Variants in PDE6A observed in about 807,000 individuals in gnomAD.
PDE6A encodes rod cGMP-specific 3',5'-cyclic phosphodiesterase subunit alpha.
In PDE6A, 84 loss-of-function variants were observed where a neutral mutation model predicts 106.3. The observed-to-expected ratio is 0.79, with a 90% CI of 0.66 to 0.95. The LOEUF (loss-of-function observed/expected upper bound fraction) is 0.95, where lower values mean the gene tolerates loss of function less well. Among genes scored for constraint, PDE6A ranks in the 40% least tolerant of loss-of-function variants. PDE6A has a pLI of 0.00. For missense variants in PDE6A, 1,052 were observed against 1,084.9 expected, an observed-to-expected ratio of 0.97 and a Z score of 0.43; for synonymous variants, 394 against 386.6, an observed-to-expected ratio of 1.02 and a Z score of -0.23.
intron 7 of PDE6A, among the ~76,000 whole-genome samples, chr5:149,906,602 C>T (rs748304161): frequency 9.3e-5 from 14 of 149,940 alleles, no homozygotes; most frequent in South Asian, 6.3e-4. Context: ...CCTCTTGAGC[C>T]TCATGTTTTG....
intron 12 of PDE6A, 47 bp from the exon 13 acceptor site, chr5:149,895,337 C>A: frequency 7.6e-7 from 1 of 1,313,550 alleles, no homozygotes. Flanking sequence ...CTGAAATGGT[C>A]TCATGAGGGT....
rs187362063 is a variant in PDE6A, at chr5:149,943,389, C to T, written c.474+811G>A. Among the ~76,000 whole-genome samples the T allele has an allele frequency of 6.6e-5, 10 of 152,292 alleles. No homozygotes were observed. The East Asian group carries it at 1.3e-3, about 21-fold the overall frequency. ...CAGAATAATTTTTCTTAGTACAGAA[C>T]AAAATGGAGTTTCTTATGTCTTTTT... On this transcript the variant is annotated intron_variant, in intron 1 of 21. Transcript: ENST00000255266.
At chr5:149,902,754 G>A (rs916873533) in intron 8 of PDE6A, among the ~76,000 whole-genome samples, 56 of 151,684 alleles carry the variant, frequency 3.7e-4, no homozygotes, top group Middle Eastern at 3.4e-3. Context: ...CCTGGGAGGC[G>A]GAGCTTGCAG....
At chr5:149,916,438 C>G (rs538760001) in intron 5 of PDE6A, among the ~76,000 whole-genome samples, 26 of 152,288 alleles carry the variant, frequency 1.7e-4, no homozygotes, top group Admixed American at 1.3e-3. Flanking sequence ...CCCCATTTCT[C>G]CTTCATGCCT....
In PDE6A at chr5:149,944,666, T is replaced by G; in HGVS notation, c.8A>C (p.Glu3Ala). The G allele has an allele frequency of 6.2e-7, 1 of 1,606,706 alleles. No individual in the cohort carries two copies. Among genetic ancestry groups the G allele is most frequent in the Non-Finnish European group, 8.5e-7 (1 of 1,176,938 alleles). Residue 3 changes from glutamate (E) to alanine (A), a missense_variant, in exon 1 of 22, where the codon GAG becomes GCG. Around this residue, in one of 3 missense-constraint regions of PDE6A, gnomAD observed 913 missense variants for 915.2 expected, o/e 1.00. Transcript: ENST00000255266. MGEVTAEEVEKFL... is the reference protein window; with the variant it reads MGAVTAEEVEKFL... Reference sequence around the variant, plus strand: ...CTTCTCCACCTCCTCTGCTGTCACCTCGCCCATGGCTGGGAATCCCACTGG... The same window carrying G: ...CTTCTCCACCTCCTCTGCTGTCACCGCGCCCATGGCTGGGAATCCCACTGG...
At chr5:149,893,161 C>G (rs1190428863) in intron 13 of PDE6A, among the ~76,000 whole-genome samples, 1 of 152,146 alleles carries the variant, frequency 6.6e-6, no homozygotes, top group Admixed American at 6.5e-5. Flanking sequence ...GATCTAGAAC[C>G]CAAAGATTAG....
chr5:149,924,077 T>C (rs2113645290), intron 4 of PDE6A, among the ~76,000 whole-genome samples: 1 of 152,308 alleles, frequency 6.6e-6, no homozygotes, highest in Admixed American at 6.5e-5. Flanking sequence ...ATTTTAATTC[T>C]AGGCAAAAAT....
intron 5 of PDE6A, among the ~76,000 whole-genome samples, chr5:149,916,916 G>T (rs1433304698): frequency 6.6e-6 from 1 of 152,096 alleles, no homozygotes; most frequent in African/African-American, 2.4e-5. Flanking sequence ...GTAATCCCTG[G>T]GCCGGTGCCT....
At chr5:149,868,952 A>C (rs1200890783) in intron 17 of PDE6A, among the ~76,000 whole-genome samples, 1 of 152,218 alleles carries the variant, frequency 6.6e-6, no homozygotes, top group Non-Finnish European at 1.5e-5. Flanking sequence ...TCACCCAAAA[A>C]ATTTAAAAGG....
intron 5 of PDE6A, among the ~76,000 whole-genome samples, chr5:149,919,938 C>T (rs1368637278): frequency 1.3e-5 from 2 of 151,028 alleles, no homozygotes; most frequent in Non-Finnish European, 3.0e-5. Flanking sequence ...GATTCGGGAA[C>T]ATTAATTGGT....
chr5:149,876,959 T>C (rs1760765840), intron 17 of PDE6A, among the ~76,000 whole-genome samples: 1 of 151,834 alleles, frequency 6.6e-6, no homozygotes, highest in African/African-American at 2.4e-5. Flanking sequence ...GATAGATAGA[T>C]AGATAGATAA....
At chr5:149,933,854 G>C in intron 3 of PDE6A, 76 bp downstream of exon 3, 2 of 1,054,414 alleles carry the variant, frequency 1.9e-6, no homozygotes, top group Non-Finnish European at 2.9e-6. Context: ...ATTCCCATCT[G>C]CCTGCCAGTC....
intron 16 of PDE6A, among the ~76,000 whole-genome samples, chr5:149,883,832 A>G (rs1007531351): frequency 2.0e-5 from 3 of 152,218 alleles, no homozygotes; most frequent in Non-Finnish European, 4.4e-5. Context: ...TCCATAACAC[A>G]CGTGTTGTGC....
chr5:149,924,474 A>G (rs1342938934), intron 4 of PDE6A, among the ~76,000 whole-genome samples: 1 of 150,674 alleles, frequency 6.6e-6, no homozygotes, highest in Non-Finnish European at 1.5e-5. Context: ...TTTAGTTATA[A>G]GAATATTTAG....
At chr5:149,909,223 C>A (rs1360521218) in intron 6 of PDE6A, among the ~76,000 whole-genome samples, 1 of 152,062 alleles carries the variant, frequency 6.6e-6, no homozygotes, top group African/African-American at 2.4e-5. Flanking sequence ...TGCAGCAGAG[C>A]AAACCTGGCT....
Position 149,896,386 on chromosome 5 carries a change from T to C in PDE6A, c.1590A>G (p.Lys530=). 1 of 1,614,098 alleles carries C rather than the reference T, an allele frequency of 6.2e-7. No homozygotes were observed. Among genetic ancestry groups the C allele is most frequent in the African/African-American group, 1.3e-5 (1 of 75,060 alleles). The change falls in exon 12 of 22, where the codon AAA becomes AAG. Residue 530 remains lysine, a synonymous_variant. Coordinates refer to ENST00000255266, the MANE Select transcript of PDE6A (RefSeq NM_000440.3). ...GTGGAATGTGAAATTTATCCACCAC[T>C]TTGAGCTCATAATACATCTGTATTC... ...KCGIQMYYEL[K]VVDKFHIPQE... is the part of the protein sequence containing the mutation.
rs551666210 is a variant in PDE6A at position 149,915,583 on chromosome 5, C to G, written c.934-576G>C. 9.9e-5 allele frequency among the ~76,000 whole-genome samples: 15 copies of G among 152,270 alleles called. No homozygotes were observed. The East Asian group carries it at 2.7e-3, about 27-fold the overall frequency. ...AATTCAGCGTGCTTCACCTTGGAGG[C>G]AGCTCACAGTGATCAGGAAGAGGGC... On this transcript the variant is annotated intron_variant, in intron 5 of 21. Transcript: ENST00000255266.
chr5:149,936,172 A>AGGAAGGAAGGAG (rs968331280), intron 1 of PDE6A, among the ~76,000 whole-genome samples: 1 of 151,264 alleles, frequency 6.6e-6, no homozygotes, highest in Non-Finnish European at 1.5e-5. Context: ...GAAGGAAGGA[A>AGGAAGGAAGGAG]GGAAGGAAGG....
At chr5:149,921,530 G>T in intron 5 of PDE6A, 105 bp downstream of exon 5, 1 of 838,822 alleles carries the variant, frequency 1.2e-6, no homozygotes, top group Non-Finnish European at 2.0e-6. Context: ...ACAACCCAAC[G>T]CAAAGACAAA....
Sources: allele counts gnomAD v4.1 joint callset (sites outside exome capture counted in the v4.1 genomes callset), GRCh38; gene constraint gnomAD v4.1.1; regional missense constraint gnomAD v4.1.1; transcripts MANE v1.5; gene names NCBI Gene and HGNC (gene_info 2026-07-23, HGNC 2026-07-21).